Variants in ESR1 observed in about 807,000 individuals in gnomAD.
The protein encoded by ESR1 is estrogen receptor.
ESR1 carries 12 observed loss-of-function variants against 52.7 expected under a neutral mutation model. The ratio of observed to expected loss-of-function variants is 0.23; its 90% CI spans 0.15 to 0.37. The LOEUF is 0.37. ESR1 is among the 10% of genes least tolerant of loss of function. ESR1 has a pLI of 1.00. For synonymous variants in ESR1, 305 were observed against 316.8 expected, an observed-to-expected ratio of 0.96 and a Z score of 0.39; for missense variants, 584 against 779.7, an observed-to-expected ratio of 0.75 and a Z score of 2.99.
rs573051889 is a variant in ESR1 at position 151,988,825 on chromosome 6, GA to G, written c.1097-22824del. Among the ~76,000 whole-genome samples the G allele has an allele frequency of 8.7e-4, 132 of 152,026 alleles. 2 individuals carry two copies. The highest frequency in any genetic ancestry group is 3.1e-3 in the African/African-American group (127 of 41,438). ...TGTATATATAAATATACTTGTATAT[GA>G]AAAAAATATCTTTTTTCTTTCATTT... On this transcript the variant is annotated intron_variant, in intron 4 of 7. Transcript: ENST00000206249.
chr6:151,784,975 A>C (rs1456343641), intron 2 of ESR1, among the ~76,000 whole-genome samples: 1 of 151,956 alleles, frequency 6.6e-6, no homozygotes, highest in Admixed American at 6.5e-5. Flanking sequence ...GTTTTTGCTG[A>C]CAAGCTTTTC....
intron 6 of ESR1, among the ~76,000 whole-genome samples, chr6:152,112,580 C>G (rs555431105): frequency 1.3e-5 from 2 of 152,336 alleles, no homozygotes; most frequent in East Asian, 3.9e-4. Flanking sequence ...TTATCACCAG[C>G]CAAACTATGT....
chr6:151,955,865 C>T (rs1465397273), intron 4 of ESR1, among the ~76,000 whole-genome samples: 1 of 151,626 alleles, frequency 6.6e-6, no homozygotes, highest in Non-Finnish European at 1.5e-5. Context: ...TTTTCCGAAC[C>T]TCTCCTCCTC....
intron 5 of ESR1, among the ~76,000 whole-genome samples, chr6:152,014,043 A>G (rs1406425259): frequency 1.3e-5 from 2 of 152,044 alleles, no homozygotes; most frequent in African/African-American, 4.8e-5. Flanking sequence ...TGAATTTCTC[A>G]TGATATCTAA....
intron 2 of ESR1, among the ~76,000 whole-genome samples, chr6:151,764,509 A>G (rs1007758243): frequency 1.3e-5 from 2 of 152,122 alleles, no homozygotes; most frequent in Admixed American, 1.3e-4. Context: ...TGCTGAGCGC[A>G]GGGAGTCAGT....
At chr6:151,765,088 T>A (rs1383112337) in intron 2 of ESR1, among the ~76,000 whole-genome samples, 1 of 152,242 alleles carries the variant, frequency 6.6e-6, no homozygotes, top group African/African-American at 2.4e-5. Flanking sequence ...ATAATATAGC[T>A]AAATATCAAT....
chr6:151,801,296 TC>T (rs1777218144), upstream of ESR1, among the ~76,000 whole-genome samples: 1 of 152,214 alleles, frequency 6.6e-6, no homozygotes, highest in South Asian at 2.1e-4. Context: ...GAAAGTACTT[TC>T]TACATTGTCT....
Position 152,061,983 on chromosome 6 carries a change from A to G in ESR1, c.1369+859A>G, listed in dbSNP as rs1234497927. On this transcript the variant is annotated intron_variant, in intron 6 of 7. Coordinates refer to ENST00000206249, the MANE Select transcript of ESR1 (RefSeq NM_000125.4). This position sits in a 1 kb window ranked among gnomAD's most constrained non-coding sequence, Gnocchi z 4.3. ...AAGCTCCACCTTTCCCCCTGGCTCT[A>G]ACCCCACTTTGTGCCTCATCCCTCA... Among the ~76,000 whole-genome samples the G allele has an allele frequency of 1.3e-5, 2 of 152,130 alleles. No homozygotes were observed. Among genetic ancestry groups the G allele is most frequent in the Non-Finnish European group, 2.9e-5 (2 of 68,022 alleles).
upstream of ESR1, among the ~76,000 whole-genome samples, chr6:151,800,237 G>C (rs1317362128): frequency 3.9e-5 from 6 of 152,102 alleles, no homozygotes; most frequent in African/African-American, 1.4e-4. Context: ...GGAGGGAAGA[G>C]GGTCTAGGGG....
At chr6:151,710,314 C>T (rs905027480) in intron 2 of ESR1, among the ~76,000 whole-genome samples, 4 of 150,860 alleles carry the variant, frequency 2.7e-5, no homozygotes, top group South Asian at 2.1e-4. Context: ...AAGAAAGATA[C>T]GTGGATTACA....
Position 152,061,104 on chromosome 6 carries a change from C to G in ESR1, c.1349C>G (p.Ser450Cys), listed in dbSNP as rs914616093. ...GGAGAGGAGTTTGTGTGCCTCAAAT[C>G]TATTATTTTGCTTAATTCTGGTGAG... ...LQGEEFVCLKSIILLNSGVYT... is the reference protein window; with the variant it reads ...LQGEEFVCLKCIILLNSGVYT... Residue 450 changes from serine (S) to cysteine (C), a missense_variant, in exon 6 of 8, where the codon TCT becomes TGT. Ser to Cys is a moderately radical substitution (Grantham distance 112, BLOSUM62 -1). Transcript: ENST00000206249. The surrounding 1 kb of genome is among the most constrained non-coding windows in gnomAD (Gnocchi z 4.3). 1.9e-6 allele frequency: 3 copies of G among 1,613,712 alleles called. No individual in the cohort carries two copies. The highest frequency in any genetic ancestry group is 1.6e-4 in the Middle Eastern group (1 of 6,082).
Position 152,058,460 on chromosome 6 carries a change from A to G in ESR1, c.1236-2531A>G, listed in dbSNP as rs2047283731. On this transcript the variant is annotated intron_variant, in intron 5 of 7. Transcript: ENST00000206249. The stretch of plus-strand genomic sequence containing the variant: ...GGCCAACCTCTCCCTTGACATATCC[A>G]TGTATTTATCAGTATATCTATAGGT... 4.6e-5 allele frequency among the ~76,000 whole-genome samples: 7 copies of G among 152,274 alleles called. No individual in the cohort carries two copies. In the South Asian group the frequency reaches 1.5e-3, roughly 32 times the overall value.
chr6:151,957,201 T>C (rs2037101167), intron 4 of ESR1, among the ~76,000 whole-genome samples: 1 of 152,116 alleles, frequency 6.6e-6, no homozygotes. Context: ...TTACAGCCGT[T>C]GAAGGACACA....
intron 2 of ESR1, among the ~76,000 whole-genome samples, chr6:151,709,895 A>C (rs546768914): frequency 6.6e-6 from 1 of 151,694 alleles, no homozygotes; most frequent in South Asian, 2.1e-4. Flanking sequence ...ATCTTACTTC[A>C]AAGAGTCTTC....
At chr6:151,833,948 A>G (rs1322794398) in intron 1 of ESR1, among the ~76,000 whole-genome samples, 1 of 152,212 alleles carries the variant, frequency 6.6e-6, no homozygotes, top group Non-Finnish European at 1.5e-5. Context: ...TATGAAAAAA[A>G]TCTCATCATC....
At chr6:151,663,448 A>C (rs1167321521) in intron 1 of ESR1, among the ~76,000 whole-genome samples, 1 of 152,228 alleles carries the variant, frequency 6.6e-6, no homozygotes, top group Non-Finnish European at 1.5e-5. Flanking sequence ...GCATTGACTC[A>C]AACAGTTCTC....
At chr6:152,107,706 A>G (rs566781340), downstream of ESR1, among the ~76,000 whole-genome samples, 20 of 152,262 alleles carry the variant, frequency 1.3e-4, no homozygotes, top group African/African-American at 4.8e-4. Context: ...TAGATACCCT[A>G]TTGTAGCAAC....
chr6:151,818,351 G>T (rs1448375623), intron 1 of ESR1, among the ~76,000 whole-genome samples: 1 of 152,134 alleles, frequency 6.6e-6, no homozygotes, highest in African/African-American at 2.4e-5. Flanking sequence ...CAGGTTTTGG[G>T]CTCCACACAA....
At chr6:151,825,207 T>C (rs1000441221) in intron 1 of ESR1, among the ~76,000 whole-genome samples, 1 of 151,948 alleles carries the variant, frequency 6.6e-6, no homozygotes, top group African/African-American at 2.4e-5. Flanking sequence ...TTGCAACACT[T>C]TGGGGGTGGC....
Sources: allele counts gnomAD v4.1 joint callset (sites outside exome capture counted in the v4.1 genomes callset), GRCh38; gene constraint gnomAD v4.1.1; non-coding constraint Gnocchi (gnomAD v3.1); transcripts MANE v1.5; gene names NCBI Gene and HGNC (gene_info 2026-07-23, HGNC 2026-07-21).